Variants in NRXN3 observed in about 807,000 individuals in gnomAD.
NRXN3 encodes neurexin 3, also known as neurexin III.
NRXN3 carries 32 observed loss-of-function variants against 137.6 expected under a neutral mutation model. The observed-to-expected ratio is 0.23, with a 90% CI of 0.18 to 0.31. The LOEUF (loss-of-function observed/expected upper bound fraction) is 0.31. NRXN3 is among the 10% of genes least tolerant of loss of function. NRXN3 has a pLI of 1.00. For missense variants in NRXN3, 1,574 were observed against 2,062.5 expected (o/e 0.76, Z 4.59); for synonymous variants, 798 against 784.5 (o/e 1.02, Z -0.29).
chr14:79,765,208 C>T lies in NRXN3; in HGVS notation c.4015-39904C>T, dbSNP rs188976944. Among the ~76,000 whole-genome samples the T allele has an allele frequency of 5.2e-4, 79 of 152,264 alleles. No homozygotes were observed. The Middle Eastern group carries it at 0.014, about 26-fold the overall frequency. On this transcript the variant is annotated intron_variant, in intron 19 of 20. Coordinates refer to ENST00000335750, the MANE Select transcript of NRXN3 (RefSeq NM_001330195.2). ...GCATAAAATACAAGATTATTTCTAG[C>T]TGGATAAGAAGCTCAGCTATCAGAT...
intron 4 of NRXN3, among the ~76,000 whole-genome samples, chr14:78,363,370 G>C (rs781304945): frequency 2.0e-5 from 3 of 152,186 alleles, no homozygotes; most frequent in Non-Finnish European, 4.4e-5. Flanking sequence ...GGCAAAAAGA[G>C]TGATTAATGA....
chr14:79,100,149 G>A lies in NRXN3; in HGVS notation c.3262+112008G>A, dbSNP rs2051008864. On this transcript the variant is annotated intron_variant, in intron 15 of 20. Coordinates refer to ENST00000335750, the MANE Select transcript of NRXN3 (RefSeq NM_001330195.2). The stretch of plus-strand genomic sequence containing the variant: ...TACATTGCTTCTCTGCTCACAGAAT[G>A]TTCTCTGTCTGTCATAATAAAGGAG... Among the ~76,000 whole-genome samples the A allele has an allele frequency of 2.0e-5, 3 of 152,252 alleles. No homozygotes were observed. The South Asian group carries it at 6.2e-4, about 32-fold the overall frequency.
At chr14:78,259,664 C>G (rs1305536463) in intron 2 of NRXN3, among the ~76,000 whole-genome samples, 1 of 152,176 alleles carries the variant, frequency 6.6e-6, no homozygotes, top group Non-Finnish European at 1.5e-5. Context: ...CTTGGAAAGA[C>G]AGCAAAATAA....
intron 16 of NRXN3, among the ~76,000 whole-genome samples, chr14:79,649,550 G>T (rs1236279370): frequency 1.3e-5 from 2 of 152,154 alleles, no homozygotes; most frequent in East Asian, 3.8e-4. Flanking sequence ...GCTGTAGCAT[G>T]TTTATGAACC....
chr14:78,555,546 A>G (rs1411172435), intron 4 of NRXN3, among the ~76,000 whole-genome samples: 1 of 152,240 alleles, frequency 6.6e-6, no homozygotes, highest in Non-Finnish European at 1.5e-5. Flanking sequence ...TGCATACACC[A>G]AAGATGTGTG....
At chr14:78,327,486 A>G (rs1404326883) in intron 4 of NRXN3, among the ~76,000 whole-genome samples, 1 of 152,166 alleles carries the variant, frequency 6.6e-6, no homozygotes, top group Non-Finnish European at 1.5e-5. Context: ...CAAAGACAGT[A>G]AGTTATTTAC....
chr14:78,892,332 TAGAAAC>T (rs2099161375), intron 10 of NRXN3, among the ~76,000 whole-genome samples: 1 of 151,932 alleles, frequency 6.6e-6, no homozygotes, highest in Non-Finnish European at 1.5e-5. Flanking sequence ...TTTTGGCTGA[TAGAAAC>T]AGAGAAGGGA....
intron 16 of NRXN3, among the ~76,000 whole-genome samples, chr14:79,579,283 A>G (rs2097692926): frequency 6.7e-6 from 1 of 149,920 alleles, no homozygotes; most frequent in African/African-American, 2.4e-5. Context: ...TCAGTGTGCT[A>G]TCACTTTTTA....
At chr14:78,668,949 T>A (rs1489601510) in intron 6 of NRXN3, among the ~76,000 whole-genome samples, 1 of 152,152 alleles carries the variant, frequency 6.6e-6, no homozygotes, top group African/African-American at 2.4e-5. Context: ...TCTGTCTGTC[T>A]GTCTGTCTGT....
chr14:79,455,632 C>T (rs1217106600), intron 15 of NRXN3, among the ~76,000 whole-genome samples: 1 of 152,018 alleles, frequency 6.6e-6, no homozygotes, highest in Non-Finnish European at 1.5e-5. Flanking sequence ...TAGAAATGAT[C>T]CATTCCTTCT....
chr14:78,411,079 T>C (rs532955376), intron 4 of NRXN3, among the ~76,000 whole-genome samples: 82 of 152,254 alleles, frequency 5.4e-4, no homozygotes, highest in South Asian at 1.2e-3. Context: ...TAAATGAAAA[T>C]GTTAGGTAGT....
chr14:78,355,350 CT>C (rs5809878), intron 4 of NRXN3, among the ~76,000 whole-genome samples: 137,753 of 148,552 alleles, frequency 0.93, 63,954 homozygotes, highest in Admixed American at 0.96. Context: ...ACCATATTGA[CT>C]TTTTTTTTTT....
intron 15 of NRXN3, among the ~76,000 whole-genome samples, chr14:79,452,101 C>T (rs1055120127): frequency 8.6e-5 from 13 of 151,764 alleles, no homozygotes; most frequent in African/African-American, 1.5e-4. Context: ...TCTTAGTAGA[C>T]GGACAAGTAT....
chr14:79,434,068 G>C (rs1600227202), intron 15 of NRXN3, among the ~76,000 whole-genome samples: 1 of 152,154 alleles, frequency 6.6e-6, no homozygotes, highest in African/African-American at 2.4e-5. Flanking sequence ...GCTTGCTAGA[G>C]GTTAAGCAAC....
At chr14:79,758,509 C>A (rs917876905) in intron 19 of NRXN3, among the ~76,000 whole-genome samples, 1 of 152,310 alleles carries the variant, frequency 6.6e-6, no homozygotes, top group South Asian at 2.1e-4. Context: ...CCAAGCCATT[C>A]ATGCGGGATC....
intron 1 of NRXN3, among the ~76,000 whole-genome samples, chr14:78,235,429 C>T (rs1185490842): frequency 1.3e-5 from 2 of 152,164 alleles, no homozygotes; most frequent in Non-Finnish European, 2.9e-5. Context: ...AGTGACCAGT[C>T]TTCTTGGTCT....
chr14:78,293,738 A>G (rs1415351743), intron 3 of NRXN3, among the ~76,000 whole-genome samples: 2 of 152,124 alleles, frequency 1.3e-5, no homozygotes, highest in African/African-American at 4.8e-5. Flanking sequence ...GTCTCCCATC[A>G]ATGACAAGAT....
intron 14 of NRXN3, among the ~76,000 whole-genome samples, chr14:78,973,572 AG>A (rs1347468431): frequency 6.6e-6 from 1 of 152,198 alleles, no homozygotes; most frequent in East Asian, 1.9e-4. Context: ...CTCTTGAGGA[AG>A]AAGATGATCT....
chr14:79,558,410 C>G (rs753051132), intron 16 of NRXN3, among the ~76,000 whole-genome samples: 1 of 152,108 alleles, frequency 6.6e-6, no homozygotes, highest in Non-Finnish European at 1.5e-5. Context: ...CAAAATTATT[C>G]CTTGATCCAT....
Sources: allele counts gnomAD v4.1 joint callset (sites outside exome capture counted in the v4.1 genomes callset), GRCh38; gene constraint gnomAD v4.1.1; transcripts MANE v1.5; gene names NCBI Gene and HGNC (gene_info 2026-07-23, HGNC 2026-07-21).